UBE2Q1: variants seen among roughly 807,000 people sequenced by gnomAD.
The protein encoded by UBE2Q1 is ubiquitin conjugating enzyme E2 Q1.
A neutral mutation model predicts 60.1 loss-of-function variants in UBE2Q1; 6 were observed. The ratio of observed to expected loss-of-function variants is 0.10; its 90% CI spans 0.05 to 0.20. UBE2Q1 has a LOEUF of 0.20. Ranked by LOEUF, UBE2Q1 falls within the 10% of genes least tolerant of loss-of-function variation. The probability of loss-of-function intolerance (pLI) is 1.00; values close to 1 mark genes in which losing one functional copy is unlikely to be tolerated. For missense variants in UBE2Q1, 262 were observed against 525.8 expected, an observed-to-expected ratio of 0.50 and a Z score of 4.91; for synonymous variants, 226 against 208.3, an observed-to-expected ratio of 1.09 and a Z score of -0.73.
In UBE2Q1 at chr1:154,551,446, C is replaced by G; in HGVS notation, c.1121G>C (p.Ser374Thr). 1 of 1,614,204 alleles carries G rather than the reference C, an allele frequency of 6.2e-7. No individual in the cohort carries two copies. The highest frequency in any genetic ancestry group is 8.5e-7 in the Non-Finnish European group (1 of 1,180,032). Residue 374 changes from serine (S) to threonine (T), a missense_variant, in exon 11 of 13, where the codon AGT becomes ACT. Ser to Thr is a moderately conservative substitution (Grantham distance 58). This residue lies in a region of UBE2Q1 where 22 missense variants were observed against 121.5 expected (regional missense o/e 0.18). Coordinates refer to ENST00000292211, the MANE Select transcript of UBE2Q1 (RefSeq NM_017582.7). ...TGCTTTCCCCTTCACCAGTGTGGCA[C>G]TGATCTGCATGATCACTGACTCTAT... ...YSIESVIMQI[S>T]ATLVKGKARV...
intron 7 of UBE2Q1, 109 bp downstream of exon 7, chr1:154,552,295 C>T (rs571177418): frequency 1.3e-4 from 208 of 1,589,454 alleles, no homozygotes; most frequent in Middle Eastern, 1.7e-4. Flanking sequence ...ACACCCGCTC[C>T]GGGACCCTGA....
In UBE2Q1 at chr1:154,558,504, T is replaced by G; in HGVS notation, c.50A>C (p.Gln17Pro). Residue 17 changes from glutamine (Q) to proline (P), a missense_variant, in exon 1 of 13, where the codon CAG becomes CCG. This residue lies in a region of UBE2Q1 where 70 missense variants were observed against 56.7 expected (regional missense o/e 1.24). Transcript: ENST00000292211. ...QGQQQPGPGQ[Q>P]LGGQGAAPGA... is the part of the protein sequence containing the mutation. ...CGGCGCCGCCCCCTGGCCCCCCAGC[T>G]GCTGCCCCGGCCCCGGCTGCTGCTG... 9.5e-7 allele frequency: 1 copy of G among 1,058,188 alleles called. No homozygotes were observed. Among genetic ancestry groups the G allele is most frequent in the Non-Finnish European group, 1.1e-6 (1 of 888,266 alleles). The allele number at this position is 1,058,188 out of a possible 1,614,324, so 65.5% of individuals were successfully genotyped here.
At chr1:154,551,857 T>A (rs567031061) in intron 9 of UBE2Q1, 38 bp from the exon 10 acceptor site, 32 of 1,613,946 alleles carry the variant, frequency 2.0e-5, no homozygotes, top group Non-Finnish European at 2.7e-5. Flanking sequence ...CCTGACAAAA[T>A]CTCCAAGTCT....
Position 154,550,361 on chromosome 1 carries a change from C to A in UBE2Q1, c.*77G>T. 2 of 1,584,824 alleles carry A rather than the reference C, an allele frequency of 1.3e-6. No homozygotes were observed. The highest frequency in any genetic ancestry group is 1.7e-6 in the Non-Finnish European group (2 of 1,155,978). On this transcript the variant is annotated 3_prime_UTR_variant, in exon 13 of 13. Coordinates refer to ENST00000292211, the MANE Select transcript of UBE2Q1 (RefSeq NM_017582.7). ...ATGAGGGAGGGAACCACAGAGGCAG[C>A]GTGAGATCCAAATACAGCATTCAAA...
chr1:154,555,377 C>A (rs781340385), intron 3 of UBE2Q1, 51 bp downstream of exon 3: 1 of 1,477,186 alleles, frequency 6.8e-7, no homozygotes, highest in South Asian at 1.1e-5. Flanking sequence ...TTACTGAGTA[C>A]CCTGTGGGGC....
Position 154,549,221 on chromosome 1 carries a change from C to T in UBE2Q1, c.*1217G>A, listed in dbSNP as rs1008750952. On this transcript the variant is annotated 3_prime_UTR_variant, in exon 13 of 13. Coordinates refer to ENST00000292211, the MANE Select transcript of UBE2Q1 (RefSeq NM_017582.7). ...AACAGCAAGTACATACAACACAGCACTGACAGTTCCATCTCAGTACAGACT... is the reference window on the plus strand; with the variant it reads ...AACAGCAAGTACATACAACACAGCATTGACAGTTCCATCTCAGTACAGACT... 2.6e-5 allele frequency: 4 copies of T among 152,336 alleles called. No homozygotes were observed. Among genetic ancestry groups the T allele is most frequent in the Non-Finnish European group, 4.4e-5 (3 of 68,102 alleles). 9.4% of individuals were successfully genotyped at this position (152,336 alleles called of 1,614,324 possible).
chr1:154,550,377 A>T lies in UBE2Q1; in HGVS notation c.*61T>A. On this transcript the variant is annotated 3_prime_UTR_variant, in exon 13 of 13. Transcript: ENST00000292211. ...CAGAGGCAGCGTGAGATCCAAATAC[A>T]GCATTCAAAGGTAATTGGTCCAGTG... is the stretch of plus-strand genomic sequence containing the variant. The T allele has an allele frequency of 1.9e-6, 3 of 1,604,432 alleles. No homozygotes were observed. The highest frequency in any genetic ancestry group is 2.6e-6 in the Non-Finnish European group (3 of 1,171,860).
At chr1:154,558,192 G>T (rs376398955) in intron 1 of UBE2Q1, 35 bp downstream of exon 1, 2 of 1,475,382 alleles carry the variant, frequency 1.4e-6, no homozygotes, top group African/African-American at 2.9e-5. Context: ...CCTGACAAGG[G>T]GCCCCCACAG....
chr1:154,558,597 C>T lies in UBE2Q1; in HGVS notation c.-44G>A. ...CCGGGGCCGGCGGGCCGGGAGCCTC[C>T]GGCCTGCGCTCCGGGCTCCGCCGCC... On this transcript the variant is annotated 5_prime_UTR_variant, in exon 1 of 13. Transcript: ENST00000292211. 9.9e-7 allele frequency: 1 copy of T among 1,007,736 alleles called. No homozygotes were observed. Among genetic ancestry groups the T allele is most frequent in the Non-Finnish European group, 1.2e-6 (1 of 851,286 alleles). The allele number at this position is 1,007,736 out of a possible 1,614,324, so 62.4% of individuals were successfully genotyped here.
In UBE2Q1 at chr1:154,550,127, C is replaced by A. The variant is rs963315341; in HGVS notation, c.*311G>T. Reference sequence around the variant, plus strand: ...ATAGCATAGGTAAGGAGGCTCTAGTCTGGAGCACAGCTGAGTTTCCAGCAA... The same window carrying A: ...ATAGCATAGGTAAGGAGGCTCTAGTATGGAGCACAGCTGAGTTTCCAGCAA... On this transcript the variant is annotated 3_prime_UTR_variant, in exon 13 of 13. Coordinates refer to ENST00000292211, the MANE Select transcript of UBE2Q1 (RefSeq NM_017582.7). The A allele has an allele frequency of 5.4e-6, 2 of 368,800 alleles. No homozygotes were observed. The highest frequency in any genetic ancestry group is 9.8e-6 in the Non-Finnish European group (2 of 203,798). The allele number at this position is 368,800 out of a possible 1,614,324, so 22.8% of individuals were successfully genotyped here. A position where few individuals can be genotyped will look rare whatever the true frequency, so the allele number is the denominator to read the frequency against.
chr1:154,551,709 G>A (rs1426984733), intron 10 of UBE2Q1, 62 bp downstream of exon 10: 14 of 1,601,472 alleles, frequency 8.7e-6, no homozygotes, highest in Middle Eastern at 1.7e-4. Context: ...AGGGGTGTGT[G>A]CTGTAAAGCT....
intron 7 of UBE2Q1, 98 bp downstream of exon 7, chr1:154,552,306 A>T (rs1263904062): frequency 6.3e-7 from 1 of 1,593,094 alleles, no homozygotes; most frequent in African/African-American, 1.3e-5. Flanking sequence ...GGGACCCTGA[A>T]TGAAAATGCT....
Position 154,552,445 on chromosome 1 carries a change from G to C in UBE2Q1, c.834C>G (p.Leu278=), listed in dbSNP as rs370466044. The C allele has an allele frequency of 1.1e-5, 18 of 1,614,232 alleles. No homozygotes were observed. The East Asian group carries it at 3.8e-4, about 34-fold the overall frequency. ...SFKGGNYAVE[L]VNDSLYDWNV... ...TCCAATCATACAGACTGTCATTCAC[G>C]AGTTCGACTGCATAGTTTCCTGGAA... The change falls in exon 7 of 13, where the codon CTC becomes CTG. Residue 278 remains leucine, a synonymous_variant. Coordinates refer to ENST00000292211, the MANE Select transcript of UBE2Q1 (RefSeq NM_017582.7).
At chr1:154,550,878 G>C in intron 12 of UBE2Q1, 60 bp downstream of exon 12, 2 of 1,613,622 alleles carry the variant, frequency 1.2e-6, no homozygotes, top group East Asian at 4.5e-5. Flanking sequence ...TCTGTGGCTG[G>C]AAGTGAAAAC....
intron 10 of UBE2Q1, 119 bp from the exon 11 acceptor site, chr1:154,551,611 A>G (rs190270009): frequency 9.1e-6 from 13 of 1,431,794 alleles, no homozygotes. Context: ...TGCCCCCAGC[A>G]CTGCCACCAC....
chr1:154,550,496 G>A lies in UBE2Q1; in HGVS notation c.1238-27C>T, dbSNP rs571754853. 9 of 1,613,732 alleles carry A rather than the reference G, an allele frequency of 5.6e-6. No individual in the cohort carries two copies. The East Asian group carries it at 1.8e-4, about 32-fold the overall frequency. The stretch of plus-strand genomic sequence containing the variant: ...TGCAAAGAAATGGAATGGTCAGTGA[G>A]GTGAAGGTTCAGGCCCACCCTCCCT... On this transcript the variant is annotated intron_variant, in intron 12 of 12. Transcript: ENST00000292211.
rs752140708 is a variant in UBE2Q1 at position 154,550,411 on chromosome 1, G to T, written c.*27C>A. On this transcript the variant is annotated 3_prime_UTR_variant, in exon 13 of 13. Transcript: ENST00000292211. The stretch of plus-strand genomic sequence containing the variant: ...AGGTAATTGGTCCAGTGGTGCCTGG[G>T]GAGGGAGGAAGGGTGATACTCCAGG... 5 of 1,613,942 alleles carry T rather than the reference G, an allele frequency of 3.1e-6. No individual in the cohort carries two copies. Among genetic ancestry groups the T allele is most frequent in the Non-Finnish European group, 4.2e-6 (5 of 1,179,940 alleles).
At chr1:154,556,115 C>T in intron 1 of UBE2Q1, 151 bp from the exon 2 acceptor site, 1 of 618,918 alleles carries the variant, frequency 1.6e-6, no homozygotes. Flanking sequence ...AGGTCAGCAT[C>T]TAACCAAGCA....
intron 10 of UBE2Q1, 101 bp downstream of exon 10, chr1:154,551,670 G>A: frequency 6.5e-7 from 1 of 1,540,874 alleles, no homozygotes; most frequent in Non-Finnish European, 9.0e-7. Context: ...AGAATGAAAG[G>A]GCCACATCAT....
Sources: gnomAD v4.1 joint callset for allele counts on GRCh38, gnomAD v4.1.1 for gene constraint, gnomAD v4.1.1 regional missense constraint, MANE v1.5 for transcripts, NCBI Gene and HGNC (gene_info 2026-07-23, HGNC 2026-07-21) for gene names.